SEMA4D: variants seen among roughly 807,000 people sequenced by gnomAD.
SEMA4D encodes the protein semaphorin 4D.
A neutral mutation model predicts 74.8 loss-of-function variants in SEMA4D; 22 were observed. The ratio of observed to expected loss-of-function variants is 0.29; its 90% confidence interval spans 0.21 to 0.42. The LOEUF (loss-of-function observed/expected upper bound fraction) is 0.42. Among genes scored for constraint, SEMA4D ranks in the 10% least tolerant of loss-of-function variants. SEMA4D has a pLI of 1.00. For synonymous variants in SEMA4D, 445 were observed against 463.7 expected (o/e 0.96, Z 0.52); for missense variants, 937 against 1,118.4 (o/e 0.84, Z 2.31).
chr9:89,418,397 G>A (rs551880322), intron 2 of SEMA4D: 1 of 985,406 alleles, frequency 1.0e-6, no homozygotes. Flanking sequence ...ACCCGACCAG[G>A]TGTACTTTCT....
At chr9:89,490,437 G>A (rs146223039) in intron 1 of SEMA4D, among the ~76,000 whole-genome samples, 203 of 152,320 alleles carry the variant, frequency 1.3e-3, no homozygotes, top group African/African-American at 4.7e-3. Context: ...TGGTGTGAAA[G>A]CCATTCGAAT....
intron 2 of SEMA4D, among the ~76,000 whole-genome samples, chr9:89,421,886 C>G (rs1847042505): frequency 6.6e-6 from 1 of 152,170 alleles, no homozygotes; most frequent in Admixed American, 6.5e-5. Flanking sequence ...CTGCTGGCAG[C>G]AATGCCTATA....
intron 2 of SEMA4D, among the ~76,000 whole-genome samples, chr9:89,442,254 C>T (rs1362692724): frequency 2.6e-5 from 4 of 152,194 alleles, no homozygotes; most frequent in African/African-American, 9.6e-5. Context: ...GCTCTGGGCA[C>T]CACGGCTGCC....
At chr9:89,443,239 G>A (rs973374341) in intron 2 of SEMA4D, among the ~76,000 whole-genome samples, 1 of 152,274 alleles carries the variant, frequency 6.6e-6, no homozygotes, top group Non-Finnish European at 1.5e-5. Flanking sequence ...AGGCCGGGTC[G>A]CGAGGTGCTC....
chr9:89,487,090 T>C (rs943836789), intron 1 of SEMA4D, among the ~76,000 whole-genome samples: 21 of 151,502 alleles, frequency 1.4e-4, no homozygotes, highest in Non-Finnish European at 2.4e-4. Context: ...CCTCATGACA[T>C]AGCCACAAAT....
At position 89,492,111 on chromosome 9, in the gene SEMA4D, C is replaced by G. The variant is rs1825676523; in HGVS notation, c.-310+5808G>C. 6.6e-6 allele frequency among the ~76,000 whole-genome samples: 1 copy of G among 152,180 alleles called. No individual in the cohort carries two copies. Among genetic ancestry groups the G allele is most frequent in the Admixed American group, 6.5e-5 (1 of 15,284 alleles). On this transcript the variant is annotated intron_variant, in intron 1 of 15. Transcript: ENST00000422704. The surrounding 1 kb of genome is among the most constrained non-coding windows in gnomAD (Gnocchi z 4.3). ...CACGGCAGCAAAATTCTTGAAAAAG[C>G]AATAGGGTCCTGCTGTCCCAAATTC...
At chr9:89,462,435 T>C (rs925419791) in intron 1 of SEMA4D, among the ~76,000 whole-genome samples, 4 of 152,128 alleles carry the variant, frequency 2.6e-5, no homozygotes, top group African/African-American at 9.7e-5. Flanking sequence ...ATAACAACAT[T>C]GATGTGAGCA....
At chr9:89,485,121 C>G (rs1417246503) in intron 1 of SEMA4D, among the ~76,000 whole-genome samples, 1 of 152,118 alleles carries the variant, frequency 6.6e-6, no homozygotes, top group Non-Finnish European at 1.5e-5. Flanking sequence ...AAGGAGAAAA[C>G]AGAAGGCACG....
chr9:89,462,015 T>C (rs533504353), intron 1 of SEMA4D, among the ~76,000 whole-genome samples: 4 of 152,296 alleles, frequency 2.6e-5, no homozygotes, highest in African/African-American at 9.6e-5. Context: ...GTATATTTCT[T>C]GAACAACAAA....
At chr9:89,385,488 T>C in intron 13 of SEMA4D, 2 of 985,424 alleles carry the variant, frequency 2.0e-6, no homozygotes, top group Non-Finnish European at 2.4e-6. Flanking sequence ...CTTTGTGTCC[T>C]GGAGACCGAG....
At chr9:89,422,041 G>GA (rs1847077508) in intron 2 of SEMA4D, among the ~76,000 whole-genome samples, 1 of 152,122 alleles carries the variant, frequency 6.6e-6, no homozygotes, top group Non-Finnish European at 1.5e-5. Context: ...AGTAATTGTA[G>GA]AAAATTTGAA....
chr9:89,388,070 G>T (rs28567882), intron 11 of SEMA4D, among the ~76,000 whole-genome samples: 58,029 of 152,030 alleles, frequency 0.38, 11,266 homozygotes, highest in South Asian at 0.44. Context: ...CACATTTTAC[G>T]AAGCTATGCA....
intron 2 of SEMA4D, among the ~76,000 whole-genome samples, chr9:89,432,203 G>C (rs1349428766): frequency 6.6e-6 from 1 of 152,236 alleles, no homozygotes; most frequent in Admixed American, 6.5e-5. Context: ...AAGGTACTTG[G>C]ATTATTTATA....
At chr9:89,445,243 G>C (rs1235076046) in intron 2 of SEMA4D, among the ~76,000 whole-genome samples, 1 of 152,204 alleles carries the variant, frequency 6.6e-6, no homozygotes, top group Non-Finnish European at 1.5e-5. Flanking sequence ...ACGCTCTTTG[G>C]ACCGTGAGTG....
At chr9:89,472,138 T>TA (rs1860514755) in intron 1 of SEMA4D, 1 of 182,348 alleles carries the variant, frequency 5.5e-6, no homozygotes. Context: ...CTTCTGACTT[T>TA]AAAAGAGTCA....
intron 1 of SEMA4D, among the ~76,000 whole-genome samples, chr9:89,457,244 G>T (rs78446408): frequency 0.072 from 10,954 of 152,162 alleles, 600 homozygotes; most frequent in East Asian, 0.29. Flanking sequence ...CGCCTGACAG[G>T]TGGGGAGCAG....
intron 4 of SEMA4D, among the ~76,000 whole-genome samples, chr9:89,402,536 G>A (rs925828354): frequency 1.3e-5 from 2 of 152,126 alleles, no homozygotes; most frequent in Non-Finnish European, 2.9e-5. Context: ...TGTGGTGTCG[G>A]GATCTGCCTC....
At chr9:89,495,385 C>T (rs1363438607) in intron 1 of SEMA4D, among the ~76,000 whole-genome samples, 2 of 152,200 alleles carry the variant, frequency 1.3e-5, no homozygotes, top group Admixed American at 6.5e-5. Context: ...CTGGCACACC[C>T]TCTCCACCTG....
At chr9:89,430,030 G>A (rs899670608) in intron 2 of SEMA4D, among the ~76,000 whole-genome samples, 3 of 151,666 alleles carry the variant, frequency 2.0e-5, no homozygotes, top group Non-Finnish European at 4.4e-5. Context: ...TAACCCTGAC[G>A]GGCAGCTCTG....
Sources: allele counts gnomAD v4.1 joint callset (sites outside exome capture counted in the v4.1 genomes callset), GRCh38; gene constraint gnomAD v4.1.1; non-coding constraint Gnocchi (gnomAD v3.1); transcripts MANE v1.5; gene names NCBI Gene and HGNC (gene_info 2026-07-23, HGNC 2026-07-21).